GRID2: variants seen among roughly 807,000 people sequenced by gnomAD.
The protein encoded by GRID2 is glutamate ionotropic receptor delta type subunit 2.
GRID2 carries 33 observed loss-of-function variants against 114.8 expected under a neutral mutation model. That is an observed-to-expected ratio of 0.29 (90% confidence interval 0.22 to 0.38). The LOEUF (loss-of-function observed/expected upper bound fraction) is 0.38. GRID2 is among the 10% of genes least tolerant of loss of function. The pLI is 1.00. For missense variants in GRID2, 1,184 were observed against 1,257.7 expected, an observed-to-expected ratio of 0.94 and a Z score of 0.89; for synonymous variants, 505 against 449.9, an observed-to-expected ratio of 1.12 and a Z score of -1.55.
intron 8 of GRID2, among the ~76,000 whole-genome samples, chr4:93,280,176 T>C (rs72872796): frequency 0.033 from 4,976 of 151,996 alleles, 283 homozygotes; most frequent in African/African-American, 0.11. Flanking sequence ...CAAAACAATA[T>C]GGAAATTTAG....
intron 2 of GRID2, among the ~76,000 whole-genome samples, chr4:92,807,275 A>G (rs1383378506): frequency 6.6e-6 from 1 of 152,022 alleles, no homozygotes; most frequent in African/African-American, 2.4e-5. Flanking sequence ...ATATCTATAT[A>G]TTGTGCATAC....
intron 2 of GRID2, among the ~76,000 whole-genome samples, chr4:92,708,364 C>T (rs936800766): frequency 1.3e-5 from 2 of 152,160 alleles, no homozygotes; most frequent in South Asian, 4.1e-4. Context: ...AGTGTCACAG[C>T]AATGCAACTG....
intron 14 of GRID2, among the ~76,000 whole-genome samples, chr4:93,686,782 T>C (rs1354244997): frequency 6.6e-6 from 1 of 151,846 alleles, no homozygotes; most frequent in Non-Finnish European, 1.5e-5. Flanking sequence ...GAAGAAATAG[T>C]AAAAAGGCCA....
chr4:92,796,098 G>A (rs1009604743), intron 2 of GRID2, among the ~76,000 whole-genome samples: 10 of 151,744 alleles, frequency 6.6e-5, no homozygotes, highest in Non-Finnish European at 1.2e-4. Context: ...AATCATTCCC[G>A]ACTTCCATGA....
intron 1 of GRID2, among the ~76,000 whole-genome samples, chr4:93,785,860 T>C (rs1200406734): frequency 6.6e-6 from 1 of 152,132 alleles, no homozygotes; most frequent in Non-Finnish European, 1.5e-5. Context: ...GGTGGAAAGA[T>C]ACTAGAGAGA....
chr4:93,425,552 A>G (rs1017019918), intron 10 of GRID2, among the ~76,000 whole-genome samples: 8 of 152,146 alleles, frequency 5.3e-5, no homozygotes, highest in African/African-American at 1.9e-4. Context: ...CCTCTTTAGC[A>G]CGTTTAGCCT....
At chr4:93,270,395 A>G (rs901914901) in intron 8 of GRID2, among the ~76,000 whole-genome samples, 23 of 152,316 alleles carry the variant, frequency 1.5e-4, no homozygotes, top group African/African-American at 5.1e-4. Flanking sequence ...AAAGGAGGAT[A>G]TAGTAACTGC....
intron 2 of GRID2, among the ~76,000 whole-genome samples, chr4:92,868,058 T>TCTG (rs1560653186): frequency 3.7e-5 from 5 of 134,276 alleles, no homozygotes; most frequent in Non-Finnish European, 8.1e-5. Flanking sequence ...CTTTCTTTCT[T>TCTG]TCTTTCTTTC....
intron 14 of GRID2, among the ~76,000 whole-genome samples, chr4:93,636,883 A>T (rs1721454516): frequency 6.6e-6 from 1 of 152,190 alleles, no homozygotes; most frequent in African/African-American, 2.4e-5. Flanking sequence ...TGCCCTGGAG[A>T]CCACTAGTCC....
intron 2 of GRID2, among the ~76,000 whole-genome samples, chr4:92,646,281 T>C (rs1354974355): frequency 6.6e-6 from 1 of 152,208 alleles, no homozygotes; most frequent in Non-Finnish European, 1.5e-5. Context: ...TTTTTAAAAA[T>C]TGAGTTATTT....
At chr4:92,834,006 G>C (rs1389374739) in intron 2 of GRID2, 1 of 152,174 alleles carries the variant, frequency 6.6e-6, no homozygotes, top group African/African-American at 2.4e-5. Flanking sequence ...TGTCAAATAA[G>C]TTAGGTCCCA....
chr4:92,953,586 AT>A (rs1427865141), intron 2 of GRID2, among the ~76,000 whole-genome samples: 2 of 152,086 alleles, frequency 1.3e-5, no homozygotes, highest in African/African-American at 4.8e-5. Flanking sequence ...TATGTGATTC[AT>A]TTTATTGCAT....
In GRID2 at chr4:92,477,038, CATGTGTGTGTGTGT is replaced by C. The variant is rs1471781054; in HGVS notation, c.89-113092_89-113079del. 6.2e-3 allele frequency among the ~76,000 whole-genome samples: 654 copies of C among 104,872 alleles called. 6 individuals are homozygous for C. The highest frequency in any genetic ancestry group is 0.021 in the African/African-American group (616 of 29,944). 68.8% of individuals were successfully genotyped at this position (104,872 alleles called of 152,430 possible). ...ATGGCTAAACTATTTGATTTAACTT[CATGTGTGTGTGTGT>C]GTGTGTGTGTGTGTGTGTGTGTGTG... On this transcript the variant is annotated intron_variant, in intron 1 of 15. Transcript: ENST00000282020.
At chr4:93,559,240 T>C (rs1002377823) in intron 13 of GRID2, among the ~76,000 whole-genome samples, 1 of 152,068 alleles carries the variant, frequency 6.6e-6, no homozygotes, top group Non-Finnish European at 1.5e-5. Context: ...ACAAATATGA[T>C]CTAATTAAAC....
At chr4:92,916,129 G>A (rs1043140741) in intron 2 of GRID2, among the ~76,000 whole-genome samples, 17 of 151,902 alleles carry the variant, frequency 1.1e-4, no homozygotes, top group South Asian at 4.1e-4. Context: ...TGTCTTTGTC[G>A]TGAAATTTTT....
At chr4:93,656,857 A>AAAAAAAAAC (rs1553973735) in intron 14 of GRID2, among the ~76,000 whole-genome samples, 1 of 93,802 alleles carries the variant, frequency 1.1e-5, no homozygotes, top group Non-Finnish European at 2.6e-5. Flanking sequence ...AAAAAAAAAA[A>AAAAAAAAAC]CAAATAATTC....
intron 4 of GRID2, among the ~76,000 whole-genome samples, chr4:93,196,606 C>T (rs1343799130): frequency 2.6e-5 from 4 of 152,044 alleles, no homozygotes. Flanking sequence ...GTAGCTTCAT[C>T]AACGATGAGC....
intron 1 of GRID2, among the ~76,000 whole-genome samples, chr4:92,435,729 G>A (rs1000025842): frequency 3.3e-5 from 5 of 152,204 alleles, no homozygotes; most frequent in East Asian, 1.9e-4. Context: ...GGATGAAAGT[G>A]TAGTGAGGAA....
At chr4:93,383,491 A>G (rs1358921364) in intron 8 of GRID2, among the ~76,000 whole-genome samples, 2 of 152,174 alleles carry the variant, frequency 1.3e-5, no homozygotes, top group East Asian at 1.9e-4. Flanking sequence ...CAAGCCTTCA[A>G]TAGACTCCAG....
Sources: gnomAD v4.1 joint callset for allele counts (sites outside exome capture counted in the v4.1 genomes callset) on GRCh38, gnomAD v4.1.1 for gene constraint, MANE v1.5 for transcripts, NCBI Gene and HGNC (gene_info 2026-07-23, HGNC 2026-07-21) for gene names.